MYO1H: variants seen among roughly 807,000 people sequenced by gnomAD.
MYO1H encodes the protein unconventional myosin-Ih.
A neutral mutation model predicts 149.3 loss-of-function variants in MYO1H; 118 were observed. That is an observed-to-expected ratio of 0.79 (90% CI 0.68 to 0.92). The LOEUF (loss-of-function observed/expected upper bound fraction) is 0.92. Ranked by LOEUF, MYO1H falls within the 40% of genes least tolerant of loss-of-function variation. The pLI is 0.00. For missense variants in MYO1H, 1,212 were observed against 1,280.7 expected (o/e 0.95, Z 0.82); for synonymous variants, 447 against 465.2 (o/e 0.96, Z 0.50).
intron 5 of MYO1H, among the ~76,000 whole-genome samples, chr12:109,398,090 T>G (rs900881725): frequency 6.6e-6 from 1 of 152,260 alleles, no homozygotes; most frequent in Non-Finnish European, 1.5e-5. Flanking sequence ...TGGTGGGGTG[T>G]AAAATATTGG....
At chr12:109,446,988 G>A (rs1006819799) in intron 31 of MYO1H, 171 bp from the exon 32 acceptor site, 4 of 673,004 alleles carry the variant, frequency 5.9e-6, no homozygotes, top group Non-Finnish European at 1.1e-5. Flanking sequence ...GAGGCTGACA[G>A]GCCTCGATGA....
At chr12:109,405,633 T>C (rs1006765554) in intron 7 of MYO1H, among the ~76,000 whole-genome samples, 26 of 152,204 alleles carry the variant, frequency 1.7e-4, no homozygotes, top group Non-Finnish European at 3.8e-4. Flanking sequence ...TAAAAGTGTT[T>C]TATTTTATGA....
chr12:109,430,351 G>A (rs1461319536), intron 19 of MYO1H, among the ~76,000 whole-genome samples: 3 of 152,180 alleles, frequency 2.0e-5, no homozygotes, highest in African/African-American at 7.2e-5. Flanking sequence ...GAAGACATAA[G>A]GTACTAGTCC....
At chr12:109,421,084 T>C (rs1871156937) in intron 16 of MYO1H, 57 bp downstream of exon 16, 2 of 1,226,558 alleles carry the variant, frequency 1.6e-6, no homozygotes, top group East Asian at 2.3e-5. Flanking sequence ...TTACCCATGA[T>C]AGTGATTTTG....
chr12:109,320,455 C>CAAAAAAAAAAA, the MYO1H span, among the ~76,000 whole-genome samples: 1 of 63,338 alleles, frequency 1.6e-5, no homozygotes, highest in East Asian at 6.8e-4. Flanking sequence ...ATTAAAAATA[C>CAAAAAAAAAAA]AAAAAAAAAA....
chr12:109,367,832 G>A (rs112683324), intron 1 of MYO1H, among the ~76,000 whole-genome samples: 4,447 of 152,180 alleles, frequency 0.029, 86 homozygotes, highest in Non-Finnish European at 0.042. Context: ...GATTACAGGC[G>A]TGAGCTACCA....
the MYO1H span, among the ~76,000 whole-genome samples, chr12:109,322,493 T>TGTGG: frequency 6.6e-6 from 1 of 152,148 alleles, no homozygotes; most frequent in Non-Finnish European, 1.5e-5. Context: ...TGTTTTAGGA[T>TGTGG]GTGGGACAAA....
In MYO1H at chr12:109,443,107, T is replaced by TATGTGTGTATATATGTGTAC. The variant is rs1211152432; in HGVS notation, c.2689-395_2689-394insATGTGTACATGTGTGTATAT. On this transcript the variant is annotated intron_variant, in intron 27 of 31. Coordinates refer to ENST00000310903, the Ensembl canonical transcript of MYO1H. ...GTATGTGTGTATATATGTGTACGTA[T>TATGTGTGTATATATGTGTAC]ATGTGTGTATATGTGTACGTATATA... Among the ~76,000 whole-genome samples, 8 of 97,826 alleles carry TATGTGTGTATATATGTGTAC rather than the reference T, an allele frequency of 8.2e-5. 1 individual carries two copies. The highest frequency in any genetic ancestry group is 1.5e-4 in the Non-Finnish European group (7 of 47,494). The allele number at this position is 97,826 out of a possible 152,430, so 64.2% of individuals were successfully genotyped here.
chr12:109,397,748 G>T, exon 5 of MYO1H: 1 of 1,612,100 alleles, frequency 6.2e-7, no homozygotes, highest in South Asian at 1.1e-5. Context: ...GGAAATGCCA[G>T]AACGCTCCGG....
chr12:109,360,593 A>G (rs1214812815), intron 1 of MYO1H, among the ~76,000 whole-genome samples: 2 of 152,206 alleles, frequency 1.3e-5, no homozygotes, highest in Non-Finnish European at 2.9e-5. Context: ...TCATGAGGGT[A>G]GAGAGTAGGT....
chr12:109,442,368 C>A, intron 27 of MYO1H, 96 bp downstream of exon 27: 1 of 1,042,428 alleles, frequency 9.6e-7, no homozygotes, highest in Non-Finnish European at 1.5e-6. Flanking sequence ...TATTTAAATG[C>A]AGGGGTGCAG....
intron 27 of MYO1H, 118 bp downstream of exon 27, chr12:109,442,390 G>C (rs1346358000): frequency 2.5e-6 from 2 of 789,100 alleles, no homozygotes; most frequent in Non-Finnish European, 2.2e-6. Flanking sequence ...TGGGCAGCTG[G>C]GGCTCTCAAC....
chr12:109,407,414 A>G (rs1315357451), intron 9 of MYO1H, among the ~76,000 whole-genome samples: 2 of 152,034 alleles, frequency 1.3e-5, no homozygotes, highest in Non-Finnish European at 2.9e-5. Context: ...AAGAGCCATC[A>G]TATGAACCAA....
At chr12:109,411,743 A>G in intron 13 of MYO1H, 151 bp from the exon 14 acceptor site, 1 of 518,704 alleles carries the variant, frequency 1.9e-6, no homozygotes, top group South Asian at 2.4e-5. Flanking sequence ...ACATGGATTA[A>G]GCCCTTCTTC....
intron 15 of MYO1H, among the ~76,000 whole-genome samples, chr12:109,417,562 C>T (rs1403195176): frequency 2.0e-5 from 3 of 152,008 alleles, no homozygotes; most frequent in African/African-American, 7.2e-5. Context: ...CTACCGACCT[C>T]GTGATGCACC....
intron 4 of MYO1H, among the ~76,000 whole-genome samples, chr12:109,396,925 T>A (rs1244693227): frequency 1.4e-5 from 2 of 145,086 alleles, no homozygotes; most frequent in African/African-American, 5.0e-5. Context: ...CCTCCTGAGT[T>A]TAAGCAATTC....
At chr12:109,448,049 C>T (rs1057180173) in exon 32 of MYO1H, 9 of 152,234 alleles carry the variant, frequency 5.9e-5, no homozygotes, top group African/African-American at 2.2e-4. Context: ...CTGTGACCAC[C>T]ATCACTTACC....
chr12:109,413,298 C>T (rs534871191), intron 14 of MYO1H, among the ~76,000 whole-genome samples: 1 of 152,202 alleles, frequency 6.6e-6, no homozygotes, highest in East Asian at 1.9e-4. Context: ...AATGCTCCTG[C>T]ATTTGTGTTT....
rs758506327 is a variant in MYO1H at position 109,409,663 on chromosome 12, T to C, written c.1223+39T>C. The C allele has an allele frequency of 1.6e-5, 24 of 1,475,302 alleles. No individual in the cohort carries two copies. The African/African-American group carries it at 2.8e-4, about 17-fold the overall frequency. The allele number at this position is 1,475,302 out of a possible 1,614,324, so 91.4% of individuals were successfully genotyped here. A position where few individuals can be genotyped will look rare whatever the true frequency, so the allele number is the denominator to read the frequency against. ...TTACCTACCTATCTGTCTTTTGCCC[T>C]TTTTTAAGATTTCAGTCGAGATTTA... On this transcript the variant is annotated intron_variant, in intron 11 of 31. Coordinates refer to ENST00000310903, the Ensembl canonical transcript of MYO1H.
Sources: gnomAD v4.1 joint callset for allele counts (sites outside exome capture counted in the v4.1 genomes callset) on GRCh38, gnomAD v4.1.1 for gene constraint, MANE v1.5 for transcripts, NCBI Gene and HGNC (gene_info 2026-07-23, HGNC 2026-07-21) for gene names.